COL4A2: variants seen among roughly 807,000 people sequenced by gnomAD.
The protein encoded by COL4A2 is collagen alpha-2(IV) chain.
COL4A2 carries 99 observed loss-of-function variants against 200.2 expected under a neutral mutation model. The ratio of observed to expected loss-of-function variants is 0.49; its 90% CI spans 0.42 to 0.58. The LOEUF is 0.58. COL4A2 is among the 20% of genes least tolerant of loss of function. The pLI is 0.00. For synonymous variants in COL4A2, 897 were observed against 900.6 expected (o/e 1.00, Z 0.07); for missense variants, 1,950 against 2,314.1 (o/e 0.84, Z 3.23).
chr13:110,465,214 G>A (rs1882189564), intron 24 of COL4A2, among the ~76,000 whole-genome samples, 191 bp from the exon 25 acceptor site: 1 of 152,186 alleles, frequency 6.6e-6, no homozygotes, highest in Non-Finnish European at 1.5e-5. Context: ...GCATTGCTTA[G>A]ACTGCTACAC....
rs184792688 is a variant in COL4A2, at chr13:110,339,783, A to G, written c.100-17689A>G. On this transcript the variant is annotated intron_variant, in intron 3 of 47. Transcript: ENST00000360467. ...GAGGAAAAAATCAAAGAAGGAGTCA[A>G]AATAGAGGTGCTCGGTGCCGAGGAG... is the stretch of plus-strand genomic sequence containing the variant. Among the ~76,000 whole-genome samples the G allele has an allele frequency of 1.5e-4, 23 of 152,336 alleles. No individual in the cohort carries two copies. In the East Asian group the frequency reaches 4.4e-3, roughly 29 times the overall value.
rs146514580 is a variant in COL4A2, at chr13:110,503,692, G to A, written c.4139-155G>A. 4.3e-3 allele frequency among the ~76,000 whole-genome samples: 651 copies of A among 152,324 alleles called. 9 individuals carry two copies. The highest frequency in any genetic ancestry group is 6.8e-3 in the Middle Eastern group (2 of 294). ...ATTCAAACGGCAGGCGCTGAGTCAC[G>A]GCTCAGGCCCGTTAGTGTCTGGCTC... is the stretch of plus-strand genomic sequence containing the variant. On this transcript the variant is annotated intron_variant, in intron 43 of 47. Coordinates refer to ENST00000360467, the MANE Select transcript of COL4A2 (RefSeq NM_001846.4).
chr13:110,312,056 G>T (rs1167955359), intron 3 of COL4A2, among the ~76,000 whole-genome samples: 1 of 152,248 alleles, frequency 6.6e-6, no homozygotes, highest in Non-Finnish European at 1.5e-5. Context: ...TAAGGATCGG[G>T]AAGGACAATT....
intron 16 of COL4A2, among the ~76,000 whole-genome samples, chr13:110,440,497 G>A (rs992630850): frequency 2.6e-5 from 4 of 152,132 alleles, no homozygotes; most frequent in African/African-American, 7.2e-5. Flanking sequence ...TCAGGAGGCT[G>A]AGGCAGGAGA....
chr13:110,501,901 C>G (rs1271931235), intron 41 of COL4A2, 117 bp downstream of exon 41: 1 of 1,030,682 alleles, frequency 9.7e-7, no homozygotes, highest in Non-Finnish European at 1.5e-6. Flanking sequence ...AGACTCCGGT[C>G]AAAGAGGCAG....
chr13:110,452,968 G>A (rs1222300743), intron 20 of COL4A2, among the ~76,000 whole-genome samples: 1 of 151,824 alleles, frequency 6.6e-6, no homozygotes, highest in East Asian at 2.0e-4. Flanking sequence ...GTTTCACTAT[G>A]TTGCCCAGGC....
chr13:110,377,906 A>T (rs7325524), intron 4 of COL4A2, among the ~76,000 whole-genome samples: 5,208 of 152,296 alleles, frequency 0.034, 297 homozygotes, highest in African/African-American at 0.11. Flanking sequence ...AAAAAAAAGT[A>T]TACTGTCAAA....
At chr13:110,475,917 A>C (rs1882688077) in intron 29 of COL4A2, among the ~76,000 whole-genome samples, 1 of 152,268 alleles carries the variant, frequency 6.6e-6, no homozygotes, top group Non-Finnish European at 1.5e-5. Context: ...TCAGCTCTAA[A>C]GAAATAATCA....
Position 110,313,316 on chromosome 13 carries a change from G to A in COL4A2, c.99+5193G>A, listed in dbSNP as rs112065315. ...GATTTCATTGGTGGCTCCGGAGGAC[G>A]GTAATTTTTATTTTGGTTACCCCTG... On this transcript the variant is annotated intron_variant, in intron 3 of 47. Coordinates refer to ENST00000360467, the MANE Select transcript of COL4A2 (RefSeq NM_001846.4). Among the ~76,000 whole-genome samples, 565 of 152,212 alleles carry A rather than the reference G, an allele frequency of 3.7e-3. 2 individuals carry two copies. Among genetic ancestry groups the A allele is most frequent in the African/African-American group, 0.013 (543 of 41,520 alleles).
chr13:110,371,163 G>A (rs1877992317), intron 4 of COL4A2, among the ~76,000 whole-genome samples: 1 of 152,196 alleles, frequency 6.6e-6, no homozygotes, highest in African/African-American at 2.4e-5. Context: ...GAGGACAAGG[G>A]TTCTTCACCA....
intron 4 of COL4A2, among the ~76,000 whole-genome samples, chr13:110,423,108 G>A (rs1880317584): frequency 1.3e-5 from 2 of 152,098 alleles, no homozygotes; most frequent in South Asian, 4.2e-4. Context: ...GCAAGTAAAG[G>A]TGCCGTGTGA....
intron 4 of COL4A2, among the ~76,000 whole-genome samples, chr13:110,395,838 G>A (rs1428076764): frequency 6.6e-6 from 1 of 152,108 alleles, no homozygotes; most frequent in African/African-American, 2.4e-5. Context: ...CCAGCTACTC[G>A]GAAGTTTGAG....
intron 18 of COL4A2, 40 bp downstream of exon 18, chr13:110,446,904 A>T: frequency 6.5e-7 from 1 of 1,544,746 alleles, no homozygotes; most frequent in Non-Finnish European, 8.9e-7. Flanking sequence ...AGCATCGCAT[A>T]CACATTCTCT....
intron 3 of COL4A2, among the ~76,000 whole-genome samples, chr13:110,312,986 G>GGA (rs2139341567): frequency 6.6e-6 from 1 of 152,312 alleles, no homozygotes; most frequent in East Asian, 1.9e-4. Context: ...ACCTGTGAGG[G>GGA]TGAGCCGGGG....
intron 3 of COL4A2, among the ~76,000 whole-genome samples, chr13:110,311,268 G>C (rs953285565): frequency 1.3e-5 from 2 of 152,220 alleles, no homozygotes; most frequent in African/African-American, 4.8e-5. Flanking sequence ...TGTGAACCCA[G>C]GTGATCTGTG....
intron 3 of COL4A2, among the ~76,000 whole-genome samples, chr13:110,327,687 G>A (rs1875691608): frequency 6.6e-6 from 1 of 152,130 alleles, no homozygotes; most frequent in South Asian, 2.1e-4. Flanking sequence ...CATTCTGTGG[G>A]TGTCAGTGAA....
intron 4 of COL4A2, 94 bp from the exon 5 acceptor site, chr13:110,424,640 C>CAAAACA: frequency 2.9e-6 from 2 of 699,008 alleles, no homozygotes; most frequent in African/African-American, 1.8e-5. Flanking sequence ...TCTTTAAAAA[C>CAAAACA]AAAAAAAAAA....
intron 18 of COL4A2, among the ~76,000 whole-genome samples, chr13:110,447,402 C>T (rs570132911): frequency 6.6e-6 from 1 of 152,236 alleles, no homozygotes; most frequent in African/African-American, 2.4e-5. Context: ...TCACAGTTGA[C>T]CTTGGAGTGT....
chr13:110,511,820 C>A, intron 47 of COL4A2, 114 bp from the exon 48 acceptor site: 1 of 1,519,526 alleles, frequency 6.6e-7, no homozygotes, highest in Non-Finnish European at 8.9e-7. Flanking sequence ...TCCGTATTGA[C>A]ACTCATGGTT....
Sources: gnomAD v4.1 joint callset for allele counts (sites outside exome capture counted in the v4.1 genomes callset) on GRCh38, gnomAD v4.1.1 for gene constraint, MANE v1.5 for transcripts, NCBI Gene and HGNC (gene_info 2026-07-23, HGNC 2026-07-21) for gene names.